ME3: variants seen among roughly 807,000 people sequenced by gnomAD.
ME3 encodes NADP-dependent malic enzyme, mitochondrial.
Under a neutral mutation model 68.9 loss-of-function variants are expected in ME3, and 48 were observed. The ratio of observed to expected loss-of-function variants is 0.70; its 90% CI spans 0.55 to 0.89. ME3 has a LOEUF of 0.89. Among genes scored for constraint, ME3 ranks in the 40% least tolerant of loss-of-function variants. The pLI is 0.00. For missense variants in ME3, 675 were observed against 797.4 expected (o/e 0.85, Z 1.85); for synonymous variants, 320 against 318.8 (o/e 1.00, Z -0.04).
At chr11:86,495,866 A>G (rs746832349) in intron 6 of ME3, among the ~76,000 whole-genome samples, 2 of 152,148 alleles carry the variant, frequency 1.3e-5, no homozygotes, top group Admixed American at 6.5e-5. Flanking sequence ...AGGAGGTGCA[A>G]TGACTTACCT....
downstream of ME3, chr11:86,436,394 A>T (rs1327612849): frequency 6.6e-6 from 1 of 151,986 alleles, no homozygotes; most frequent in Non-Finnish European, 1.5e-5. Flanking sequence ...AGTTCTTTAT[A>T]TATTCCGGAT....
chr11:86,566,836 A>G (rs1957504812), intron 2 of ME3, among the ~76,000 whole-genome samples: 1 of 152,286 alleles, frequency 6.6e-6, no homozygotes, highest in South Asian at 2.1e-4. Flanking sequence ...TCTTGCCACT[A>G]TAGTACACAT....
At chr11:86,650,232 T>C (rs1208257458) in intron 2 of ME3, among the ~76,000 whole-genome samples, 1 of 152,126 alleles carries the variant, frequency 6.6e-6, no homozygotes, top group Admixed American at 6.5e-5. Flanking sequence ...TAATAAATGG[T>C]GTTGGGAAAA....
chr11:86,514,151 G>T (rs1443094051), intron 4 of ME3, among the ~76,000 whole-genome samples: 1 of 152,126 alleles, frequency 6.6e-6, no homozygotes, highest in Non-Finnish European at 1.5e-5. Flanking sequence ...TCTCTCTCCT[G>T]CAACCTTGTG....
At chr11:86,567,262 G>GGAAT (rs1321977256) in intron 2 of ME3, among the ~76,000 whole-genome samples, 6 of 150,410 alleles carry the variant, frequency 4.0e-5, no homozygotes, top group African/African-American at 1.5e-4. Flanking sequence ...AAGGAAGGAA[G>GGAAT]GAAGGAAGGA....
chr11:86,671,168 T>C (rs1300084694), intron 2 of ME3, among the ~76,000 whole-genome samples: 1 of 152,224 alleles, frequency 6.6e-6, no homozygotes, highest in Non-Finnish European at 1.5e-5. Context: ...GTCTTGTTTT[T>C]TGTAAAAGAA....
At chr11:86,561,044 G>A (rs1290890679) in intron 2 of ME3, among the ~76,000 whole-genome samples, 1 of 151,956 alleles carries the variant, frequency 6.6e-6, no homozygotes, top group African/African-American at 2.4e-5. Context: ...TATAATAAAT[G>A]TGATTATCAC....
intron 2 of ME3, among the ~76,000 whole-genome samples, chr11:86,663,468 AT>A (rs1445482405): frequency 1.3e-5 from 2 of 152,184 alleles, no homozygotes; most frequent in African/African-American, 4.8e-5. Flanking sequence ...TTTCCTCACA[AT>A]CATAGAGCAT....
intron 2 of ME3, among the ~76,000 whole-genome samples, chr11:86,566,771 A>G (rs1461072869): frequency 6.6e-6 from 1 of 151,994 alleles, no homozygotes; most frequent in Non-Finnish European, 1.5e-5. Flanking sequence ...TGGTGTGATA[A>G]TTTTTTTCCT....
chr11:86,522,526 G>A (rs992280746), intron 4 of ME3, among the ~76,000 whole-genome samples: 5 of 149,218 alleles, frequency 3.4e-5, no homozygotes, highest in African/African-American at 9.9e-5. Flanking sequence ...CCCTTACCCC[G>A]CCCCCTCCTT....
In ME3 at chr11:86,521,431, A is replaced by AAAATAATAATAATAAT. The variant is rs1271326906; in HGVS notation, c.468-12565_468-12564insATTATTATTATTATTT. ...AACAAAACAAAACAAAACAAAACAA[A>AAAATAATAATAATAAT]AATAATAATAATAATAATAATAAAA... is the stretch of plus-strand genomic sequence containing the variant. On this transcript the variant is annotated intron_variant, in intron 4 of 14. Coordinates refer to ENST00000543262, the Ensembl canonical transcript of ME3. Among the ~76,000 whole-genome samples, 696 of 145,882 alleles carry AAAATAATAATAATAAT rather than the reference A, an allele frequency of 4.8e-3. 3 individuals are homozygous for AAAATAATAATAATAAT. Among genetic ancestry groups the AAAATAATAATAATAAT allele is most frequent in the Non-Finnish European group, 7.8e-3 (523 of 66,650 alleles).
At chr11:86,525,602 C>T (rs1355418297) in intron 4 of ME3, among the ~76,000 whole-genome samples, 1 of 151,972 alleles carries the variant, frequency 6.6e-6, no homozygotes, top group Non-Finnish European at 1.5e-5. Flanking sequence ...GTGGCTCACG[C>T]CTGTAGTCCC....
At chr11:86,602,167 C>T (rs1960797718) in intron 2 of ME3, among the ~76,000 whole-genome samples, 1 of 151,146 alleles carries the variant, frequency 6.6e-6, no homozygotes, top group South Asian at 2.1e-4. Context: ...TCAAATTGTC[C>T]CTGTTTGCAG....
chr11:86,532,445 C>G (rs1272669499), intron 4 of ME3, among the ~76,000 whole-genome samples: 2 of 152,152 alleles, frequency 1.3e-5, no homozygotes, highest in African/African-American at 4.8e-5. Context: ...GAACATTCTC[C>G]TGGATAGATC....
intron 7 of ME3, among the ~76,000 whole-genome samples, chr11:86,475,906 G>GAGAGAGAGAA (rs1951058377): frequency 6.7e-6 from 1 of 148,502 alleles, no homozygotes; most frequent in Non-Finnish European, 1.5e-5. Flanking sequence ...GAGAGAAAGA[G>GAGAGAGAGAA]AAAGAGAGAG....
At chr11:86,515,727 T>C (rs670825) in intron 4 of ME3, among the ~76,000 whole-genome samples, 14,653 of 152,188 alleles carry the variant, frequency 0.096, 960 homozygotes, top group East Asian at 0.26. Context: ...ATTGGGGTAG[T>C]CATTTAGGTG....
intron 4 of ME3, among the ~76,000 whole-genome samples, chr11:86,521,430 A>AT (rs59333892): frequency 2.7e-5 from 4 of 149,076 alleles, no homozygotes; most frequent in African/African-American, 9.9e-5. Flanking sequence ...AAACAAAACA[A>AT]AAATAATAAT....
intron 8 of ME3, among the ~76,000 whole-genome samples, chr11:86,458,554 A>G (rs937984884): frequency 6.6e-6 from 1 of 152,176 alleles, no homozygotes; most frequent in Non-Finnish European, 1.5e-5. Flanking sequence ...GATACATGAG[A>G]TCCACATGAA....
At chr11:86,666,858 C>T (rs965362609) in intron 2 of ME3, among the ~76,000 whole-genome samples, 10 of 152,328 alleles carry the variant, frequency 6.6e-5, no homozygotes, top group African/African-American at 2.4e-4. Context: ...TTAACATCTC[C>T]TGATTGATGA....
Sources: allele counts gnomAD v4.1 joint callset (sites outside exome capture counted in the v4.1 genomes callset), GRCh38; gene constraint gnomAD v4.1.1; transcripts MANE v1.5; gene names NCBI Gene and HGNC (gene_info 2026-07-23, HGNC 2026-07-21).